Variants in THUMPD3 observed in about 807,000 individuals in gnomAD.
The protein encoded by THUMPD3 is tRNA (guanine(6)-N(2))-methyltransferase THUMP3.
In THUMPD3, 44 loss-of-function variants were observed where a neutral mutation model predicts 54.5. The observed-to-expected ratio is 0.81, with a 90% CI of 0.63 to 1.04. The LOEUF (loss-of-function observed/expected upper bound fraction) is 1.04. THUMPD3 is among the 50% of genes least tolerant of loss of function. The probability of loss-of-function intolerance (pLI) is 0.00; values close to 1 mark genes in which losing one functional copy is unlikely to be tolerated. For synonymous variants in THUMPD3, 196 were observed against 201.4 expected (o/e 0.97, Z 0.23); for missense variants, 604 against 601.3 (o/e 1.00, Z -0.05).
At chr3:9,370,008 A>AT (rs1265095932) in intron 3 of THUMPD3, among the ~76,000 whole-genome samples, 1 of 152,174 alleles carries the variant, frequency 6.6e-6, no homozygotes, top group Non-Finnish European at 1.5e-5. Flanking sequence ...TATACACGGT[A>AT]TTTTTTGAAT....
rs945070799 is a variant in THUMPD3, at chr3:9,385,945, G to T, written c.*1257G>T. 3 of 152,136 alleles carry T rather than the reference G, an allele frequency of 2.0e-5. No homozygotes were observed. The highest frequency in any genetic ancestry group is 2.9e-5 in the Non-Finnish European group (2 of 68,028). 9.4% of individuals were successfully genotyped at this position (152,136 alleles called of 1,614,324 possible). A position where few individuals can be genotyped will look rare whatever the true frequency, so the allele number is the denominator to read the frequency against. On this transcript the variant is annotated 3_prime_UTR_variant, in exon 10 of 10. Transcript: ENST00000452837. The stretch of plus-strand genomic sequence containing the variant: ...TTCCCTGGAACAAAGAGTAGTTGAG[G>T]TTTTTTTGTGGAACTCATCATAGTA...
intron 7 of THUMPD3, chr3:9,380,960 C>T (rs576052385): frequency 5.5e-6 from 1 of 181,730 alleles, no homozygotes; most frequent in Admixed American, 6.1e-5. Flanking sequence ...GGTACAGGGT[C>T]TCATTTTGTC....
In THUMPD3 at chr3:9,384,579, TTGG is replaced by T. The variant is rs1190116352; in HGVS notation, c.1420_1422del (p.Gly474del). ...AAGGTGGATACAGTCTGGGTGAACG[TTGG>T]TGGTCTTCGTGCTGCAGTTTACGTT... is the stretch of plus-strand genomic sequence containing the variant. On this transcript the variant is annotated inframe_deletion, in exon 10 of 10. Coordinates refer to ENST00000452837, the MANE Select transcript of THUMPD3 (RefSeq NM_001114092.2). 3.7e-6 allele frequency: 6 copies of T among 1,614,170 alleles called. No homozygotes were observed. In the Middle Eastern group the frequency reaches 6.6e-4, roughly 178 times the overall value.
At chr3:9,381,452 T>G (rs992972545) in intron 7 of THUMPD3, among the ~76,000 whole-genome samples, 4 of 152,068 alleles carry the variant, frequency 2.6e-5, no homozygotes, top group African/African-American at 4.8e-5. Flanking sequence ...GACCTAAGAG[T>G]CTGCATTTTC....
Position 9,371,300 on chromosome 3 carries a change from C to T in THUMPD3, c.571C>T (p.Pro191Ser). 1.9e-6 allele frequency: 3 copies of T among 1,613,956 alleles called. No homozygotes were observed. Among genetic ancestry groups the T allele is most frequent in the Non-Finnish European group, 2.5e-6 (3 of 1,179,972 alleles). Residue 191 changes from proline to serine, a missense_variant, in exon 4 of 10, where the codon CCA becomes TCA. By Grantham distance (74) the Pro-to-Ser change is moderately conservative. Coordinates refer to ENST00000452837, the MANE Select transcript of THUMPD3 (RefSeq NM_001114092.2). ...DSHILDYYEN[P>S]AIKEDVSTLI... ...TCATATCTTAGATTATTATGAAAAT[C>T]CAGCCATCAAAGAGGATGTATCAAC...
In THUMPD3 at chr3:9,365,067, A is replaced by C; in HGVS notation, c.-2A>C. The C allele has an allele frequency of 6.2e-7, 1 of 1,613,448 alleles. No individual in the cohort carries two copies. The highest frequency in any genetic ancestry group is 8.5e-7 in the Non-Finnish European group (1 of 1,179,448). On this transcript the variant is annotated 5_prime_UTR_variant, in exon 2 of 10. Coordinates refer to ENST00000452837, the MANE Select transcript of THUMPD3 (RefSeq NM_001114092.2). ...GTTAGGGATCTTGGAAGCACAGCCA[A>C]CATGTGTGACATTGAAGAAGCCACT...
intron 7 of THUMPD3, among the ~76,000 whole-genome samples, chr3:9,382,062 C>T (rs953154210): frequency 5.9e-5 from 9 of 152,046 alleles, no homozygotes; most frequent in African/African-American, 1.4e-4. Flanking sequence ...GGATTACAGG[C>T]ATGAGCCACT....
intron 6 of THUMPD3, among the ~76,000 whole-genome samples, chr3:9,379,892 T>C (rs1465198274): frequency 2.0e-5 from 3 of 152,104 alleles, no homozygotes; most frequent in African/African-American, 4.8e-5. Flanking sequence ...GCTTTCACCA[T>C]GTTCCCAGGC....
At chr3:9,373,586 T>C (rs1299870317) in intron 4 of THUMPD3, among the ~76,000 whole-genome samples, 1 of 152,198 alleles carries the variant, frequency 6.6e-6, no homozygotes, top group Non-Finnish European at 1.5e-5. Flanking sequence ...GAATATGAGA[T>C]GAGGCCATGT....
Position 9,371,381 on chromosome 3 carries a change from G to A in THUMPD3, c.652G>A (p.Glu218Lys). 1 of 1,614,144 alleles carries A rather than the reference G, an allele frequency of 6.2e-7. No homozygotes were observed. The part of the protein sequence containing the change: ...CKDETDESSK[E>K]ETEPQVLKFR... ...AGATGAGACTGATGAAAGCTCAAAA[G>A]AAGAAACTGAGCCTCAAGTGCTGAA... The change falls in exon 4 of 10, where the codon GAA becomes AAA. Residue 218 changes from glutamate to lysine, a missense_variant. Coordinates refer to ENST00000452837, the MANE Select transcript of THUMPD3 (RefSeq NM_001114092.2).
At chr3:9,365,655 G>A (rs188684822) in intron 2 of THUMPD3, among the ~76,000 whole-genome samples, 3 of 151,580 alleles carry the variant, frequency 2.0e-5, no homozygotes, top group East Asian at 1.9e-4. Flanking sequence ...GCAATGGCGC[G>A]ATCTTGGCTC....
intron 3 of THUMPD3, among the ~76,000 whole-genome samples, chr3:9,369,551 AG>A (rs2031864448): frequency 6.6e-6 from 1 of 152,162 alleles, no homozygotes. Flanking sequence ...AAAAAATTTT[AG>A]GTTTTGGATT....
chr3:9,374,772 A>C, intron 5 of THUMPD3, 126 bp downstream of exon 5: 1 of 1,083,838 alleles, frequency 9.2e-7, no homozygotes, highest in Non-Finnish European at 1.3e-6. Flanking sequence ...AAAGAATAGA[A>C]TGGAAAGCTA....
intron 5 of THUMPD3, among the ~76,000 whole-genome samples, chr3:9,376,775 A>C (rs1244677677): frequency 6.6e-6 from 1 of 152,178 alleles, no homozygotes; most frequent in Non-Finnish European, 1.5e-5. Context: ...AAAGAGGATA[A>C]CAGTTAAGCC....
intron 5 of THUMPD3, among the ~76,000 whole-genome samples, chr3:9,376,565 G>A (rs998635736): frequency 6.6e-6 from 1 of 152,204 alleles, no homozygotes; most frequent in African/African-American, 2.4e-5. Context: ...CTATTGCCAT[G>A]TGTTGAGGAG....
At chr3:9,363,446 C>CT in intron 1 of THUMPD3, 1 of 152,266 alleles carries the variant, frequency 6.6e-6, no homozygotes. Context: ...TTCACAGTGA[C>CT]TGTCAGCTTT....
rs778826010 is a variant in THUMPD3 at position 9,383,309 on chromosome 3, G to C, written c.1235G>C (p.Arg412Thr). ...IIVTDLPFGK[R>T]MGSKKRNWNL... ...GTAACAGATTTGCCATTTGGAAAAA[G>C]GTGAGAAATACTAGTACCTGCTTGT... is the stretch of plus-strand genomic sequence containing the variant. Residue 412 changes from arginine to threonine, a missense_variant and splice_region_variant, in exon 8 of 10, where the codon AGG becomes ACG. Physicochemically the swap from Arg to Thr is moderately conservative, Grantham distance 71. Coordinates refer to ENST00000452837, the MANE Select transcript of THUMPD3 (RefSeq NM_001114092.2). 2.1e-5 allele frequency: 33 copies of C among 1,601,108 alleles called. No homozygotes were observed. The highest frequency in any genetic ancestry group is 2.8e-5 in the Non-Finnish European group (33 of 1,168,514).
intron 2 of THUMPD3, 66 bp from the exon 3 acceptor site, chr3:9,366,842 T>C (rs998257099): frequency 7.7e-7 from 1 of 1,290,336 alleles, no homozygotes; most frequent in African/African-American, 1.5e-5. Context: ...TTTAAATACT[T>C]AATTGTTGAT....
In THUMPD3 at chr3:9,385,745, A is replaced by G. The variant is rs1486645285; in HGVS notation, c.*1057A>G. 1 of 152,234 alleles carries G rather than the reference A, an allele frequency of 6.6e-6. No individual in the cohort carries two copies. The highest frequency in any genetic ancestry group is 2.4e-5 in the African/African-American group (1 of 41,458). 9.4% of individuals were successfully genotyped at this position (152,234 alleles called of 1,614,324 possible). Reference sequence around the variant, plus strand: ...TTCAAAACCAAACACAAACCTGTCAAGAGTATTTGTTGGCTAGTTTCTTAA... The same window carrying G: ...TTCAAAACCAAACACAAACCTGTCAGGAGTATTTGTTGGCTAGTTTCTTAA... On this transcript the variant is annotated 3_prime_UTR_variant, in exon 10 of 10. Transcript: ENST00000452837.
Sources: allele counts gnomAD v4.1 joint callset (sites outside exome capture counted in the v4.1 genomes callset), GRCh38; gene constraint gnomAD v4.1.1; transcripts MANE v1.5; gene names NCBI Gene and HGNC (gene_info 2026-07-23, HGNC 2026-07-21).